FCRL5: variants seen among roughly 807,000 people sequenced by gnomAD.
FCRL5 encodes the protein Fc receptor-like protein 5.
FCRL5 carries 79 observed loss-of-function variants against 92.1 expected under a neutral mutation model. The ratio of observed to expected loss-of-function variants is 0.86; its 90% confidence interval spans 0.72 to 1.03. The LOEUF (loss-of-function observed/expected upper bound fraction) is 1.03, where lower values mean the gene tolerates loss of function less well. Ranked by LOEUF, FCRL5 falls within the 50% of genes least tolerant of loss-of-function variation. The pLI is 0.00. For missense variants in FCRL5, 1,160 were observed against 1,181.1 expected (o/e 0.98, Z 0.26); for synonymous variants, 466 against 469.3 (o/e 0.99, Z 0.09).
chr1:157,544,569 T>G, intron 4 of FCRL5, 23 bp from the exon 5 acceptor site: 2 of 1,607,886 alleles, frequency 1.2e-6, no homozygotes, highest in Non-Finnish European at 1.7e-6. Flanking sequence ...ATCACAACAG[T>G]CCCAGAGCAA....
At chr1:157,516,419 C>T (rs922014713) in intron 15 of FCRL5, among the ~76,000 whole-genome samples, 7 of 152,166 alleles carry the variant, frequency 4.6e-5, no homozygotes, top group African/African-American at 1.7e-4. Context: ...ATCTGTGTGT[C>T]TGTGCATATA....
intron 3 of FCRL5, chr1:157,546,159 A>G: frequency 2.7e-6 from 1 of 365,196 alleles, no homozygotes; most frequent in Non-Finnish European, 5.3e-6. Context: ...TTAAAACTAT[A>G]CATAGAGGCC....
chr1:157,539,366 TGA>T lies in FCRL5; in HGVS notation c.1124-4_1124-3del, dbSNP rs780036387. 3 of 1,584,478 alleles carry T rather than the reference TGA, an allele frequency of 1.9e-6. No homozygotes were observed. Among genetic ancestry groups the T allele is most frequent in the African/African-American group, 1.4e-5 (1 of 73,826 alleles). On this transcript the variant is annotated splice_polypyrimidine_tract_variant and splice_region_variant and intron_variant, in intron 6 of 16. Transcript: ENST00000361835. ...TGAGGACAGGATGAGACACGGGAAC[TGA>T]GAGAGAGAAAAAATTAGTCAAGATT...
chr1:157,524,124 C>T (rs1018185149), intron 10 of FCRL5, 155 bp downstream of exon 10: 32 of 695,168 alleles, frequency 4.6e-5, no homozygotes, highest in Middle Eastern at 3.0e-4. Flanking sequence ...ACAAAGGATC[C>T]GAGACTTTCA....
rs774917517 is a variant in FCRL5 at position 157,534,674 on chromosome 1, A to G, written c.1621T>C (p.Cys541Arg). Residue 541 changes from cysteine to arginine, a missense_variant, in exon 8 of 17, where the codon TGC becomes CGC. Physicochemically the swap from Cys to Arg is radical, Grantham distance 180 (BLOSUM62 -3). Coordinates refer to ENST00000361835, the MANE Select transcript of FCRL5 (RefSeq NM_031281.3). Reference protein sequence around the residue: ...LTEGHSGNYYCTADNGFGPQR... With the variant: ...LTEGHSGNYYRTADNGFGPQR... ...GGACCAAAGCCATTGTCAGCTGTGC[A>G]GTAGTAATTCCCTGAATGTCCTTCA... 1.9e-6 allele frequency: 3 copies of G among 1,614,164 alleles called. No homozygotes were observed. Among genetic ancestry groups the G allele is most frequent in the Non-Finnish European group, 1.7e-6 (2 of 1,180,034 alleles).
At chr1:157,519,878 G>T in intron 12 of FCRL5, 108 bp from the exon 13 acceptor site, 3 of 1,148,428 alleles carry the variant, frequency 2.6e-6, no homozygotes, top group Non-Finnish European at 3.9e-6. Flanking sequence ...TGTCACTGAA[G>T]GTTGAATCCT....
Position 157,515,994 on chromosome 1 carries a change from G to A in FCRL5, c.2813-121C>T, listed in dbSNP as rs1649912566. The stretch of plus-strand genomic sequence containing the variant: ...CCGCTCTCCCTCTGTGCGGTGAGTA[G>A]CCATTCCTCTTAGTTGGTGCTCACC... On this transcript the variant is annotated intron_variant, in intron 15 of 16. Transcript: ENST00000361835. The A allele has an allele frequency of 9.3e-6, 10 of 1,074,310 alleles. No individual in the cohort carries two copies. In the South Asian group the frequency reaches 1.1e-4, roughly 11 times the overall value. 66.5% of individuals were successfully genotyped at this position (1,074,310 alleles called of 1,614,324 possible). A position where few individuals can be genotyped will look rare whatever the true frequency, so the allele number is the denominator to read the frequency against.
In FCRL5 at chr1:157,547,107, C is replaced by G; in HGVS notation, c.143G>C (p.Arg48Pro). ...ERVTLTCKGF[R>P]FYSPQKTKWY... Reference sequence around the variant, plus strand: ...TTTTGTTTTCTGTGGTGAGTAGAAGCGAAATCCCTTGCAAGTGAGGGTCAC... The same window carrying G: ...TTTTGTTTTCTGTGGTGAGTAGAAGGGAAATCCCTTGCAAGTGAGGGTCAC... The change falls in exon 3 of 17, where the codon CGC becomes CCC. Residue 48 changes from arginine to proline, a missense_variant. Coordinates refer to ENST00000361835, the MANE Select transcript of FCRL5 (RefSeq NM_031281.3). 1 of 1,614,074 alleles carries G rather than the reference C, an allele frequency of 6.2e-7. No homozygotes were observed. The highest frequency in any genetic ancestry group is 8.5e-7 in the Non-Finnish European group (1 of 1,180,024).
At chr1:157,542,773 T>G in intron 6 of FCRL5, 86 bp downstream of exon 6, 1 of 1,448,190 alleles carries the variant, frequency 6.9e-7, no homozygotes, top group Admixed American at 2.1e-5. Context: ...CTGAGGATAC[T>G]GGAAGGTATA....
intron 7 of FCRL5, among the ~76,000 whole-genome samples, chr1:157,535,394 T>A (rs1650924721): frequency 6.6e-6 from 1 of 152,228 alleles, no homozygotes; most frequent in Non-Finnish European, 1.5e-5. Flanking sequence ...TTTAACTATC[T>A]CCATATAAGA....
At position 157,518,454 on chromosome 1, in the gene FCRL5, G is replaced by A; in HGVS notation, c.2787C>T (p.Ile929=). The A allele has an allele frequency of 6.2e-7, 1 of 1,614,098 alleles. No individual in the cohort carries two copies. The highest frequency in any genetic ancestry group is 8.5e-7 in the Non-Finnish European group (1 of 1,179,964). The stretch of plus-strand genomic sequence containing the variant: ...CTGCATGTTTCTTTTTCTCTTGGAT[G>A]ATCCGTACTTCTGAGTAAACCACAT... ...GENVVYSEVR[I]IQEKKKHAVA... Residue 929 remains isoleucine, a synonymous_variant, in exon 15 of 17, where the codon ATC becomes ATT. Transcript: ENST00000361835.
intron 6 of FCRL5, among the ~76,000 whole-genome samples, chr1:157,541,301 G>A (rs1393152563): frequency 6.6e-6 from 1 of 152,088 alleles, no homozygotes; most frequent in Non-Finnish European, 1.5e-5. Flanking sequence ...ACTCCTGGCT[G>A]CCCCCCAAAC....
At chr1:157,520,660 C>T in intron 11 of FCRL5, 113 bp from the exon 12 acceptor site, 1 of 740,618 alleles carries the variant, frequency 1.4e-6, no homozygotes, top group Non-Finnish European at 2.2e-6. Context: ...AGGTCCCCGG[C>T]AGCTAAGCAG....
At chr1:157,534,579 C>T (rs1426233858) in intron 8 of FCRL5, 35 bp downstream of exon 8, 1 of 1,613,808 alleles carries the variant, frequency 6.2e-7, no homozygotes, top group Non-Finnish European at 8.5e-7. Context: ...AGAACTCAGC[C>T]AGGGGTGGGT....
At chr1:157,546,494 C>CCAAACCAAACCAAACCAAAT (rs1651545885) in intron 3 of FCRL5, among the ~76,000 whole-genome samples, 1 of 151,552 alleles carries the variant, frequency 6.6e-6, no homozygotes, top group South Asian at 2.1e-4. Flanking sequence ...CCAAACCAAA[C>CCAAACCAAACCAAACCAAAT]CAAACCAAAA....
intron 8 of FCRL5, chr1:157,532,225 A>G (rs1650729162): frequency 1.3e-5 from 2 of 148,956 alleles, no homozygotes; most frequent in Admixed American, 1.3e-4. Context: ...TATTTTTATT[A>G]TTTTTTTTTT....
chr1:157,531,963 A>C (rs1323182245), intron 8 of FCRL5: 1 of 152,198 alleles, frequency 6.6e-6, no homozygotes, highest in Non-Finnish European at 1.5e-5. Context: ...GCTAGAAGAG[A>C]GGCTTTTGAA....
chr1:157,518,542 T>C, intron 14 of FCRL5, 45 bp from the exon 15 acceptor site: 1 of 1,560,538 alleles, frequency 6.4e-7, no homozygotes, highest in Non-Finnish European at 8.8e-7. Flanking sequence ...GGTTCTTGCC[T>C]CTTGTTAGAG....
At chr1:157,547,361 C>A in intron 2 of FCRL5, 164 bp from the exon 3 acceptor site, 1 of 915,330 alleles carries the variant, frequency 1.1e-6, no homozygotes, top group East Asian at 2.4e-5. Flanking sequence ...GTGGCCCTCA[C>A]CTCACCCAAG....
Sources: allele counts gnomAD v4.1 joint callset (sites outside exome capture counted in the v4.1 genomes callset), GRCh38; gene constraint gnomAD v4.1.1; transcripts MANE v1.5; gene names NCBI Gene and HGNC (gene_info 2026-07-23, HGNC 2026-07-21).